WWOX: variants seen among roughly 807,000 people sequenced by gnomAD.
WWOX encodes WW domain-containing oxidoreductase.
Under a neutral mutation model 46.2 loss-of-function variants are expected in WWOX, and 69 were observed. The observed-to-expected ratio is 1.49, with a 90% confidence interval of 1.23 to 1.82. The LOEUF is 1.82. Ranked by LOEUF, WWOX falls within the 40% of genes most tolerant of loss-of-function variation. WWOX has a pLI of 0.00. For synonymous variants in WWOX, 359 were observed against 202.6 expected (o/e 1.77, Z -6.56); for missense variants, 919 against 542.6 (o/e 1.69, Z -6.89).
At chr16:78,457,378 T>C (rs898815910) in intron 8 of WWOX, among the ~76,000 whole-genome samples, 3 of 152,322 alleles carry the variant, frequency 2.0e-5, no homozygotes, top group African/African-American at 7.2e-5. Context: ...TAAGTACAGG[T>C]CTTTAGATAG....
intron 8 of WWOX, among the ~76,000 whole-genome samples, chr16:78,508,121 G>A (rs1197752180): frequency 1.3e-5 from 2 of 151,764 alleles, no homozygotes; most frequent in African/African-American, 4.8e-5. Context: ...AATTCTCCGT[G>A]TCTCAATCTC....
At chr16:79,133,724 A>C (rs1242738336) in intron 8 of WWOX, among the ~76,000 whole-genome samples, 1 of 152,206 alleles carries the variant, frequency 6.6e-6, no homozygotes, top group African/African-American at 2.4e-5. Flanking sequence ...CAAGTGTTCT[A>C]CCAGCTGAAG....
At chr16:78,249,218 G>A (rs769632471) in intron 5 of WWOX, among the ~76,000 whole-genome samples, 10 of 152,176 alleles carry the variant, frequency 6.6e-5, no homozygotes, top group Non-Finnish European at 1.2e-4. Context: ...CTCATGGAGT[G>A]GTGGCGGTGG....
chr16:78,213,509 G>A (rs1055256385), intron 5 of WWOX, among the ~76,000 whole-genome samples: 1 of 151,542 alleles, frequency 6.6e-6, no homozygotes, highest in East Asian at 1.9e-4. Context: ...TATGAGCAGC[G>A]CTCACAACTG....
At chr16:78,102,079 C>G (rs2031834189) in intron 1 of WWOX, among the ~76,000 whole-genome samples, 1 of 152,132 alleles carries the variant, frequency 6.6e-6, no homozygotes, top group Admixed American at 6.5e-5. Flanking sequence ...TGCCTCCACA[C>G]CCAGCTAATT....
At position 78,959,271 on chromosome 16, in the gene WWOX, T is replaced by C. The variant is rs538968992; in HGVS notation, c.1057-252337T>C. Among the ~76,000 whole-genome samples the C allele has an allele frequency of 1.6e-4, 24 of 152,328 alleles. No homozygotes were observed. The South Asian group carries it at 5.0e-3, about 32-fold the overall frequency. On this transcript the variant is annotated intron_variant, in intron 8 of 8. Transcript: ENST00000566780. ...GACTTAGAAATAAGGGCATTGAACT[T>C]AATTCATTTATTTTTCAAAAGGCAT...
chr16:78,915,677 C>G (rs1446229931), intron 8 of WWOX, among the ~76,000 whole-genome samples: 1 of 126,146 alleles, frequency 7.9e-6, no homozygotes, highest in Non-Finnish European at 1.6e-5. Flanking sequence ...AAGTGCTTGT[C>G]TATTCCTCTC....
In WWOX at chr16:78,391,793, G is replaced by T. The variant is rs111572185; in HGVS notation, c.605+4845G>T. 2.4e-3 allele frequency among the ~76,000 whole-genome samples: 373 copies of T among 152,290 alleles called. 2 individuals carry two copies. The highest frequency in any genetic ancestry group is 8.8e-3 in the African/African-American group (364 of 41,564). On this transcript the variant is annotated intron_variant, in intron 6 of 8. Coordinates refer to ENST00000566780, the MANE Select transcript of WWOX (RefSeq NM_016373.4). Reference sequence around the variant, plus strand: ...AGCTCTGGGGTGGGCAGAGGTTGCAGTGAGCCGAGATCATGCCTGGGGGAC... The same window carrying T: ...AGCTCTGGGGTGGGCAGAGGTTGCATTGAGCCGAGATCATGCCTGGGGGAC...
intron 8 of WWOX, among the ~76,000 whole-genome samples, chr16:78,528,296 G>T (rs1319038697): frequency 6.7e-6 from 1 of 149,086 alleles, no homozygotes; most frequent in Non-Finnish European, 1.5e-5. Flanking sequence ...TTACAGACAT[G>T]AGCCACCACA....
Position 78,748,023 on chromosome 16 carries a change from T to C in WWOX, c.1056+315271T>C, listed in dbSNP as rs1040984236. Among the ~76,000 whole-genome samples, 11 of 152,318 alleles carry C rather than the reference T, an allele frequency of 7.2e-5. No homozygotes were observed. In the Middle Eastern group the frequency reaches 0.01, roughly 141 times the overall value. On this transcript the variant is annotated intron_variant, in intron 8 of 8. Transcript: ENST00000566780. ...CCAAGTCCATCTGCGCCGAAGAGTA[T>C]TGAACTTGGCCAGAGCACTTGGGAT...
chr16:78,484,445 C>T (rs1009662090), intron 8 of WWOX, among the ~76,000 whole-genome samples: 5 of 152,242 alleles, frequency 3.3e-5, no homozygotes, highest in Admixed American at 2.6e-4. Flanking sequence ...AGATACCCTA[C>T]CTGAGCTATT....
chr16:78,713,884 T>C (rs1021139534), intron 8 of WWOX, among the ~76,000 whole-genome samples: 3 of 152,106 alleles, frequency 2.0e-5, no homozygotes, highest in African/African-American at 7.2e-5. Flanking sequence ...TGAATATGAT[T>C]TGGGGTGATG....
chr16:78,180,476 A>T (rs1307611631), intron 5 of WWOX, among the ~76,000 whole-genome samples: 1 of 151,976 alleles, frequency 6.6e-6, no homozygotes, highest in Non-Finnish European at 1.5e-5. Context: ...TGCACCCGAG[A>T]TATGGGGTAT....
chr16:78,934,963 C>T (rs540106975), intron 8 of WWOX, among the ~76,000 whole-genome samples: 1 of 152,100 alleles, frequency 6.6e-6, no homozygotes, highest in South Asian at 2.1e-4. Context: ...AGACACTTTT[C>T]AAAAGAAGAC....
intron 8 of WWOX, among the ~76,000 whole-genome samples, chr16:79,056,183 C>G (rs1434943163): frequency 6.8e-6 from 1 of 147,212 alleles, no homozygotes; most frequent in Non-Finnish European, 1.5e-5. Context: ...CTTCTTTGGT[C>G]TTTAGTGCTA....
Position 78,467,061 on chromosome 16 carries a change from T to C in WWOX, c.1056+34309T>C, listed in dbSNP as rs374084972. ...TCTTGACCATGCTATTGATTAGTTA[T>C]GTGTTTGCCTGTGTTATTAATAATG... On this transcript the variant is annotated intron_variant, in intron 8 of 8. Coordinates refer to ENST00000566780, the MANE Select transcript of WWOX (RefSeq NM_016373.4). Among the ~76,000 whole-genome samples the C allele has an allele frequency of 7.2e-5, 11 of 152,342 alleles. No individual in the cohort carries two copies. In the South Asian group the frequency reaches 1.2e-3, roughly 17 times the overall value.
At chr16:78,493,987 G>A (rs761456742) in intron 8 of WWOX, among the ~76,000 whole-genome samples, 2 of 152,182 alleles carry the variant, frequency 1.3e-5, no homozygotes, top group Non-Finnish European at 2.9e-5. Flanking sequence ...ACATTCCTGA[G>A]ACTGGGAAAT....
chr16:78,940,219 G>A (rs2045824497), intron 8 of WWOX, among the ~76,000 whole-genome samples: 1 of 152,158 alleles, frequency 6.6e-6, no homozygotes, highest in Admixed American at 6.5e-5. Flanking sequence ...TCGAGTAACA[G>A]AAATGTTTGT....
intron 8 of WWOX, among the ~76,000 whole-genome samples, chr16:78,470,309 A>G (rs1411459981): frequency 6.6e-6 from 1 of 152,216 alleles, no homozygotes; most frequent in South Asian, 2.1e-4. Context: ...CCTTGTGCCC[A>G]GGAAGATGCG....
Sources: gnomAD v4.1 joint callset for allele counts (sites outside exome capture counted in the v4.1 genomes callset) on GRCh38, gnomAD v4.1.1 for gene constraint, MANE v1.5 for transcripts, NCBI Gene and HGNC (gene_info 2026-07-23, HGNC 2026-07-21) for gene names.